Variants in FHIP1A observed in about 807,000 individuals in gnomAD.
FHIP1A encodes FHF complex subunit HOOK-interacting protein 1A.
A neutral mutation model predicts 88.6 loss-of-function variants in FHIP1A; 61 were observed. The observed-to-expected ratio is 0.69, with a 90% CI of 0.56 to 0.85. The LOEUF (loss-of-function observed/expected upper bound fraction) is 0.85. FHIP1A is among the 40% of genes least tolerant of loss of function. FHIP1A has a pLI of 0.00. For synonymous variants in FHIP1A, 478 were observed against 496.0 expected (o/e 0.96, Z 0.48); for missense variants, 1,154 against 1,273.5 (o/e 0.91, Z 1.43).
rs576955565 is a variant in FHIP1A at position 151,470,850 on chromosome 4, G to A, written c.-247-11674G>A. Among the ~76,000 whole-genome samples the A allele has an allele frequency of 2.6e-5, 4 of 152,188 alleles. No individual in the cohort carries two copies. The South Asian group carries it at 8.3e-4, about 32-fold the overall frequency. On this transcript the variant is annotated intron_variant, in intron 2 of 13. Transcript: ENST00000435205. ...TCTTTGCCCTTTGCATCCTTCTACT[G>A]AAGTTTTCATTTTCCTTTCTTTGGA... is the stretch of plus-strand genomic sequence containing the variant.
intron 7 of FHIP1A, among the ~76,000 whole-genome samples, chr4:151,609,575 CT>C (rs11442404): frequency 2.0e-5 from 3 of 151,290 alleles, no homozygotes; most frequent in Non-Finnish European, 4.4e-5. Flanking sequence ...ACATTTGCTT[CT>C]TTTTTTTTAA....
chr4:151,425,387 A>G (rs1733325051), intron 1 of FHIP1A, among the ~76,000 whole-genome samples: 1 of 152,192 alleles, frequency 6.6e-6, no homozygotes, highest in Non-Finnish European at 1.5e-5. Flanking sequence ...AGACATATTA[A>G]CCATGTTTGG....
chr4:151,595,736 T>C (rs1734623269), intron 7 of FHIP1A, among the ~76,000 whole-genome samples: 1 of 152,214 alleles, frequency 6.6e-6, no homozygotes, highest in Non-Finnish European at 1.5e-5. Flanking sequence ...ATATTTAGGA[T>C]AGTTAGCTCT....
intron 9 of FHIP1A, 93 bp downstream of exon 9, chr4:151,638,849 A>ACAACCAAAG: frequency 1.6e-6 from 1 of 614,934 alleles, no homozygotes; most frequent in Non-Finnish European, 2.6e-6. Context: ...TATACTTTAT[A>ACAACCAAAG]TTACTTTGGT....
intron 3 of FHIP1A, among the ~76,000 whole-genome samples, chr4:151,500,438 CAAAAA>C (rs34481805): frequency 9.4e-6 from 1 of 106,712 alleles, no homozygotes. Context: ...CAGCCATTCT[CAAAAA>C]AAAAAAAAAA....
rs6858573 is a variant in FHIP1A, at chr4:151,667,977, C to T, written c.*5223C>T. The stretch of plus-strand genomic sequence containing the variant: ...GCTTAGTGTGTCAGCTGACTTTTTA[C>T]TGGGACAAGTCTATGAAAGGCCCAC... On this transcript the variant is annotated 3_prime_UTR_variant, in exon 14 of 14. Coordinates refer to ENST00000435205, the MANE Select transcript of FHIP1A (RefSeq NM_001109977.3). 0.16 allele frequency among the ~76,000 whole-genome samples: 24,563 copies of T among 152,100 alleles called. 2,549 individuals carry two copies. Among genetic ancestry groups the T allele is most frequent in the African/African-American group, 0.3 (12,532 of 41,448 alleles).
intron 3 of FHIP1A, among the ~76,000 whole-genome samples, chr4:151,508,150 A>G (rs895148579): frequency 1.3e-5 from 2 of 152,222 alleles, no homozygotes; most frequent in Non-Finnish European, 2.9e-5. Flanking sequence ...GAGTTACAAA[A>G]CAGGATTGCA....
rs1737677562 is a variant in FHIP1A, at chr4:151,666,675, G to A, written c.*3921G>A. ...AAATCAGCTTGGCTGTGGCCGTCATGTGGACTGATTCCCAGGTCTGTTTGA... is the reference window on the plus strand; with the variant it reads ...AAATCAGCTTGGCTGTGGCCGTCATATGGACTGATTCCCAGGTCTGTTTGA... On this transcript the variant is annotated 3_prime_UTR_variant, in exon 14 of 14. Transcript: ENST00000435205. Among the ~76,000 whole-genome samples the A allele has an allele frequency of 6.6e-6, 1 of 152,216 alleles. No individual in the cohort carries two copies. The highest frequency in any genetic ancestry group is 2.1e-4 in the South Asian group (1 of 4,822).
intron 13 of FHIP1A, among the ~76,000 whole-genome samples, chr4:151,661,528 G>A (rs971877029): frequency 6.6e-6 from 1 of 151,364 alleles, no homozygotes; most frequent in Non-Finnish European, 1.5e-5. Context: ...TTGAAAAATG[G>A]TACTGAATTC....
chr4:151,608,075 C>T (rs11729136), intron 7 of FHIP1A, among the ~76,000 whole-genome samples: 1 of 109,902 alleles, frequency 9.1e-6, no homozygotes, highest in East Asian at 2.9e-4. Context: ...GATGGCGTCT[C>T]ACTCTGTTCC....
intron 2 of FHIP1A, among the ~76,000 whole-genome samples, chr4:151,480,525 A>T (rs1004811955): frequency 6.6e-6 from 1 of 152,064 alleles, no homozygotes; most frequent in African/African-American, 2.4e-5. Flanking sequence ...TCTCCAGCAC[A>T]TGATGATAAA....
chr4:151,655,688 T>G (rs1578869584), intron 11 of FHIP1A, among the ~76,000 whole-genome samples: 1 of 152,204 alleles, frequency 6.6e-6, no homozygotes. Context: ...TTTTTCTCAG[T>G]GTGCTTGTTC....
chr4:151,523,233 GT>G (rs199879909), intron 3 of FHIP1A, among the ~76,000 whole-genome samples: 9 of 151,754 alleles, frequency 5.9e-5, no homozygotes, highest in South Asian at 4.2e-4. Context: ...ATATTTCAGG[GT>G]TTTTTTTGGG....
At chr4:151,628,421 A>G (rs1275571515) in intron 7 of FHIP1A, among the ~76,000 whole-genome samples, 1 of 152,156 alleles carries the variant, frequency 6.6e-6, no homozygotes, top group African/African-American at 2.4e-5. Flanking sequence ...GCACAGATGC[A>G]TCCACTCAGG....
At chr4:151,561,769 A>G (rs1027545733) in intron 3 of FHIP1A, among the ~76,000 whole-genome samples, 27 of 152,202 alleles carry the variant, frequency 1.8e-4, no homozygotes, top group Non-Finnish European at 2.9e-5. Context: ...AAAAACCTCA[A>G]TCATGGAATT....
chr4:151,456,805 T>C (rs1561503456), intron 2 of FHIP1A, among the ~76,000 whole-genome samples: 2 of 152,150 alleles, frequency 1.3e-5, no homozygotes, highest in Non-Finnish European at 2.9e-5. Context: ...ACAGATTCCA[T>C]AAAAATAATG....
At chr4:151,527,990 C>G (rs1731743107) in intron 3 of FHIP1A, among the ~76,000 whole-genome samples, 1 of 152,138 alleles carries the variant, frequency 6.6e-6, no homozygotes, top group African/African-American at 2.4e-5. Flanking sequence ...CCGTGTAGCT[C>G]CAAACAGAAG....
At chr4:151,473,480 C>T (rs1729598051) in intron 2 of FHIP1A, among the ~76,000 whole-genome samples, 1 of 151,910 alleles carries the variant, frequency 6.6e-6, no homozygotes, top group South Asian at 2.1e-4. Flanking sequence ...GATGTCTCTC[C>T]TTGGCCCATG....
chr4:151,415,105 A>G (rs1046772817), intron 1 of FHIP1A, among the ~76,000 whole-genome samples: 5 of 151,788 alleles, frequency 3.3e-5, no homozygotes, highest in African/African-American at 1.2e-4. Context: ...TGTTTTTATG[A>G]CCATACATGC....
Sources: gnomAD v4.1 joint callset for allele counts (sites outside exome capture counted in the v4.1 genomes callset) on GRCh38, gnomAD v4.1.1 for gene constraint, MANE v1.5 for transcripts, NCBI Gene and HGNC (gene_info 2026-07-23, HGNC 2026-07-21) for gene names.